CEP126: variants seen among roughly 807,000 people sequenced by gnomAD.
CEP126 encodes centrosomal protein of 126 kDa.
A neutral mutation model predicts 107.8 loss-of-function variants in CEP126; 74 were observed. The observed-to-expected ratio is 0.69, with a 90% confidence interval of 0.57 to 0.83. The LOEUF (loss-of-function observed/expected upper bound fraction) is 0.83, where lower values mean the gene tolerates loss of function less well. CEP126 is among the 40% of genes least tolerant of loss of function. The pLI is 0.00. For missense variants in CEP126, 1,237 were observed against 1,281.9 expected (o/e 0.96, Z 0.53); for synonymous variants, 449 against 446.0 (o/e 1.01, Z -0.08).
chr11:101,942,563 G>T (rs1398370635), intron 2 of CEP126, among the ~76,000 whole-genome samples: 58 of 140,052 alleles, frequency 4.1e-4, no homozygotes, highest in African/African-American at 1.4e-3. Flanking sequence ...GTTTGGGGTG[G>T]TTTTTTTTTT....
At position 101,978,786 on chromosome 11, in the gene CEP126, A is replaced by G. The variant is rs1276308925; in HGVS notation, c.2958+327A>G. On this transcript the variant is annotated intron_variant, in intron 7 of 10. Transcript: ENST00000263468. ...CAAAATTCAACAAAGCTACTTAAAT[A>G]TACACTTTAAAAAGAAAGTAAAGTA... 2.0e-5 allele frequency among the ~76,000 whole-genome samples: 3 copies of G among 152,214 alleles called. 1 individual carries two copies. The highest frequency in any genetic ancestry group is 6.3e-3 in the Middle Eastern group (2 of 316).
chr11:101,918,311 TGTG>T (rs1369224437), intron 1 of CEP126, among the ~76,000 whole-genome samples: 3 of 152,032 alleles, frequency 2.0e-5, no homozygotes, highest in Non-Finnish European at 4.4e-5. Flanking sequence ...AGCTGTGTGT[TGTG>T]GTGCATGCTT....
At chr11:101,932,281 G>A (rs145520884) in intron 2 of CEP126, among the ~76,000 whole-genome samples, 73 of 152,268 alleles carry the variant, frequency 4.8e-4, no homozygotes, top group African/African-American at 1.5e-3. Flanking sequence ...CTATCATTGA[G>A]TTCAGGAGTA....
At position 101,915,265 on chromosome 11, in the gene CEP126, A is replaced by C. The variant is rs368939235; in HGVS notation, c.-20A>C. On this transcript the variant is annotated 5_prime_UTR_variant, in exon 1 of 11. Transcript: ENST00000263468. ...AGGGAGGTTCTGGGGGCGAGCAGAC[A>C]GGCGGCGCTGAAGTGAAGGATGCTG... 1.2e-6 allele frequency: 2 copies of C among 1,612,806 alleles called. No individual in the cohort carries two copies. Among genetic ancestry groups the C allele is most frequent in the Non-Finnish European group, 1.7e-6 (2 of 1,179,620 alleles).
Position 101,915,422 on chromosome 11 carries a change from C to T in CEP126, c.128+10C>T, listed in dbSNP as rs988980652. 6.2e-7 allele frequency: 1 copy of T among 1,600,856 alleles called. No homozygotes were observed. The highest frequency in any genetic ancestry group is 1.3e-5 in the African/African-American group (1 of 74,684). Reference sequence around the variant, plus strand: ...GACCTGGCTCTTACCTGTATCCTTCCCAGCCTGTGGCTGCCAGGGTAGCGA... The same window carrying T: ...GACCTGGCTCTTACCTGTATCCTTCTCAGCCTGTGGCTGCCAGGGTAGCGA... On this transcript the variant is annotated intron_variant, in intron 1 of 10. Transcript: ENST00000263468.
intron 6 of CEP126, among the ~76,000 whole-genome samples, chr11:101,967,085 G>C (rs1941066591): frequency 6.9e-6 from 1 of 143,886 alleles, no homozygotes; most frequent in African/African-American, 2.7e-5. Context: ...CTAGGGCGCA[G>C]TGGCGTGATC....
intron 2 of CEP126, among the ~76,000 whole-genome samples, chr11:101,937,161 G>A (rs1439807145): frequency 6.6e-6 from 1 of 152,258 alleles, no homozygotes; most frequent in East Asian, 1.9e-4. Context: ...CAAAGTTTGT[G>A]TACATTGAAC....
chr11:101,934,396 A>G (rs1038732907), intron 2 of CEP126, among the ~76,000 whole-genome samples: 1 of 151,958 alleles, frequency 6.6e-6, no homozygotes, highest in Non-Finnish European at 1.5e-5. Flanking sequence ...AATTTCAGTC[A>G]TCTCAATCTC....
intron 2 of CEP126, among the ~76,000 whole-genome samples, chr11:101,938,109 C>T (rs1428656839): frequency 1.5e-5 from 2 of 137,830 alleles, no homozygotes; most frequent in Admixed American, 7.8e-5. Context: ...GCCGAGATTG[C>T]GCCACTGCAG....
Position 101,997,918 on chromosome 11 carries a change from T to G in CEP126, c.*275T>G, listed in dbSNP as rs1028622539. The G allele has an allele frequency of 2.9e-6, 1 of 347,240 alleles. No homozygotes were observed. Among genetic ancestry groups the G allele is most frequent in the African/African-American group, 2.0e-5 (1 of 49,024 alleles). 21.5% of individuals were successfully genotyped at this position (347,240 alleles called of 1,614,324 possible). On this transcript the variant is annotated 3_prime_UTR_variant, in exon 11 of 11. Coordinates refer to ENST00000263468, the MANE Select transcript of CEP126 (RefSeq NM_020802.4). Reference sequence around the variant, plus strand: ...TAGCTCTGAATACATGCCACAAGGATGAAGCTTGTGAGTAGAGCAAACAAA... The same window carrying G: ...TAGCTCTGAATACATGCCACAAGGAGGAAGCTTGTGAGTAGAGCAAACAAA...
intron 2 of CEP126, among the ~76,000 whole-genome samples, chr11:101,928,024 A>G (rs1052405635): frequency 6.6e-6 from 1 of 152,194 alleles, no homozygotes; most frequent in Non-Finnish European, 1.5e-5. Context: ...CATCCTCACT[A>G]GCATTTGGTA....
Position 101,948,513 on chromosome 11 carries a change from G to A in CEP126, c.506+371G>A, listed in dbSNP as rs1940769641. On this transcript the variant is annotated intron_variant, in intron 4 of 10. Coordinates refer to ENST00000263468, the MANE Select transcript of CEP126 (RefSeq NM_020802.4). The stretch of plus-strand genomic sequence containing the variant: ...TTTAGGTAAAAAGAGTAATTTTATG[G>A]TAGAAATGGGTTTTTCCTCACTGAA... Among the ~76,000 whole-genome samples the A allele has an allele frequency of 2.0e-5, 3 of 152,154 alleles. No individual in the cohort carries two copies. In the South Asian group the frequency reaches 6.2e-4, roughly 32 times the overall value.
intron 2 of CEP126, among the ~76,000 whole-genome samples, chr11:101,940,414 C>T (rs1233668533): frequency 6.6e-6 from 1 of 152,250 alleles, no homozygotes; most frequent in African/African-American, 2.4e-5. Flanking sequence ...TTCTCCCCAT[C>T]TCTACTAAAT....
At chr11:101,921,231 A>G (rs1940321298) in intron 1 of CEP126, among the ~76,000 whole-genome samples, 1 of 152,200 alleles carries the variant, frequency 6.6e-6, no homozygotes, top group Non-Finnish European at 1.5e-5. Context: ...CTGTATTCCT[A>G]ACCATTCTAG....
intron 6 of CEP126, among the ~76,000 whole-genome samples, chr11:101,973,582 T>C (rs1000901644): frequency 6.6e-6 from 1 of 152,180 alleles, no homozygotes; most frequent in Admixed American, 6.5e-5. Context: ...GGTGATGGGT[T>C]GATAGGTGCA....
At chr11:101,933,453 T>C (rs1211126631) in intron 2 of CEP126, among the ~76,000 whole-genome samples, 1 of 152,166 alleles carries the variant, frequency 6.6e-6, no homozygotes, top group Non-Finnish European at 1.5e-5. Context: ...TTCCACTTAA[T>C]AGTTATGTGG....
chr11:101,923,669 T>C (rs1940365242), intron 2 of CEP126, among the ~76,000 whole-genome samples: 1 of 152,192 alleles, frequency 6.6e-6, no homozygotes, highest in South Asian at 2.1e-4. Context: ...TTTGTATGCA[T>C]AGGTTTCTGC....
chr11:101,927,303 AAATAAT>A (rs1318032187), intron 2 of CEP126, among the ~76,000 whole-genome samples: 1 of 152,186 alleles, frequency 6.6e-6, no homozygotes, highest in Non-Finnish European at 1.5e-5. Context: ...CTCCATTTAA[AAATAAT>A]AATAATAAAT....
chr11:101,958,027 T>C (rs1303097445), intron 4 of CEP126, 141 bp from the exon 5 acceptor site: 6 of 716,806 alleles, frequency 8.4e-6, no homozygotes, highest in Non-Finnish European at 1.4e-5. Flanking sequence ...TTCTAACATG[T>C]CTATATATTT....
Sources: allele counts gnomAD v4.1 joint callset (sites outside exome capture counted in the v4.1 genomes callset), GRCh38; gene constraint gnomAD v4.1.1; transcripts MANE v1.5; gene names NCBI Gene and HGNC (gene_info 2026-07-23, HGNC 2026-07-21).